B3GALT1: variants seen among roughly 807,000 people sequenced by gnomAD.
B3GALT1 encodes the protein beta-1,3-galactosyltransferase 1, also known as UDP-Gal:betaGlcNAc beta 1,3-galactosyltransferase, polypeptide 1.
In B3GALT1, 10 loss-of-function variants were observed where a neutral mutation model predicts 23.2. The observed-to-expected ratio is 0.43, with a 90% CI of 0.27 to 0.73. The LOEUF (loss-of-function observed/expected upper bound fraction) is 0.73, where lower values mean the gene tolerates loss of function less well. Among genes scored for constraint, B3GALT1 ranks in the 30% least tolerant of loss-of-function variants. B3GALT1 has a pLI of 0.21. For synonymous variants in B3GALT1, 156 were observed against 141.5 expected, an observed-to-expected ratio of 1.10 and a Z score of -0.73; for missense variants, 299 against 405.4, an observed-to-expected ratio of 0.74 and a Z score of 2.25.
chr2:167,777,448 G>A (rs915866803), intron 3 of B3GALT1, among the ~76,000 whole-genome samples: 7 of 152,288 alleles, frequency 4.6e-5, no homozygotes, highest in Admixed American at 2.6e-4. Flanking sequence ...CTGGGTTCAA[G>A]CAATTGTCCT....
At chr2:167,603,551 A>G (rs1002537266) in intron 2 of B3GALT1, among the ~76,000 whole-genome samples, 2 of 152,240 alleles carry the variant, frequency 1.3e-5, no homozygotes, top group African/African-American at 4.8e-5. Context: ...GGGGAACCTC[A>G]TTAGGCAGCC....
At chr2:167,824,379 T>C (rs1320939387) in intron 4 of B3GALT1, among the ~76,000 whole-genome samples, 1 of 152,218 alleles carries the variant, frequency 6.6e-6, no homozygotes, top group African/African-American at 2.4e-5. Context: ...ACTTGCAACT[T>C]GCAACTTGCA....
chr2:167,471,200 C>T (rs746502597), intron 1 of B3GALT1, among the ~76,000 whole-genome samples: 7 of 152,022 alleles, frequency 4.6e-5, no homozygotes, highest in African/African-American at 7.2e-5. Context: ...AAACAAGACC[C>T]GTGAATTAAT....
At chr2:167,622,031 CA>C (rs1685269046) in intron 2 of B3GALT1, among the ~76,000 whole-genome samples, 1 of 152,104 alleles carries the variant, frequency 6.6e-6, no homozygotes, top group East Asian at 1.9e-4. Context: ...TATACATCAG[CA>C]GAGACATACA....
At chr2:167,371,036 G>C (rs1319069482) in intron 1 of B3GALT1, among the ~76,000 whole-genome samples, 1 of 152,160 alleles carries the variant, frequency 6.6e-6, no homozygotes, top group Non-Finnish European at 1.5e-5. Flanking sequence ...ATTCTCACAA[G>C]GAAGTAGGGC....
chr2:167,672,550 C>G (rs1012455913), intron 3 of B3GALT1, among the ~76,000 whole-genome samples: 1 of 152,074 alleles, frequency 6.6e-6, no homozygotes, highest in Non-Finnish European at 1.5e-5. Flanking sequence ...TGATTAAGAG[C>G]CAGATACTCT....
At chr2:167,737,187 C>T (rs1201368359) in intron 3 of B3GALT1, among the ~76,000 whole-genome samples, 4 of 152,106 alleles carry the variant, frequency 2.6e-5, no homozygotes, top group South Asian at 2.1e-4. Flanking sequence ...ATTGAATATT[C>T]GCCAGGCATC....
chr2:167,427,848 T>G (rs1574074451), intron 1 of B3GALT1, among the ~76,000 whole-genome samples: 1 of 152,326 alleles, frequency 6.6e-6, no homozygotes, highest in African/African-American at 2.4e-5. Context: ...TTCTCACAAC[T>G]TTTGCCCACA....
intron 3 of B3GALT1, among the ~76,000 whole-genome samples, chr2:167,769,440 A>T (rs937107350): frequency 6.6e-6 from 1 of 152,154 alleles, no homozygotes; most frequent in Non-Finnish European, 1.5e-5. Flanking sequence ...AGTAAAATTC[A>T]CTTTCTGGTA....
At chr2:167,485,400 G>A (rs1699612501) in intron 1 of B3GALT1, among the ~76,000 whole-genome samples, 1 of 152,110 alleles carries the variant, frequency 6.6e-6, no homozygotes, top group African/African-American at 2.4e-5. Flanking sequence ...ATCTTAATTA[G>A]ATTAGATGGA....
chr2:167,330,142 C>T (rs1035498973), intron 1 of B3GALT1, among the ~76,000 whole-genome samples: 3 of 149,160 alleles, frequency 2.0e-5, no homozygotes, highest in African/African-American at 2.6e-5. Flanking sequence ...ACTCTAGGAC[C>T]CTGATAATTC....
chr2:167,409,494 G>A (rs1698359233), intron 1 of B3GALT1, among the ~76,000 whole-genome samples: 1 of 151,704 alleles, frequency 6.6e-6, no homozygotes, highest in Non-Finnish European at 1.5e-5. Flanking sequence ...CCATATTTCA[G>A]TAAGTTGATC....
At position 167,355,115 on chromosome 2, in the gene B3GALT1, C is replaced by T. The variant is rs116250523; in HGVS notation, c.-511+61781C>T. ...AGGCTTTAACTAAGATAATGTGGGACACTAGTTGCTGTTGCTACCTATAAA... is the reference window on the plus strand; with the variant it reads ...AGGCTTTAACTAAGATAATGTGGGATACTAGTTGCTGTTGCTACCTATAAA... On this transcript the variant is annotated intron_variant, in intron 1 of 4. Transcript: ENST00000392690. Among the ~76,000 whole-genome samples the T allele has an allele frequency of 1.0e-3, 153 of 152,316 alleles. 2 individuals carry two copies. Among genetic ancestry groups the T allele is most frequent in the Middle Eastern group, 3.4e-3 (1 of 294 alleles).
chr2:167,721,546 A>G (rs1332171540), intron 3 of B3GALT1, among the ~76,000 whole-genome samples: 2 of 152,230 alleles, frequency 1.3e-5, no homozygotes, highest in Non-Finnish European at 2.9e-5. Flanking sequence ...GCCTATGGGA[A>G]CAAGAACACA....
At chr2:167,810,296 C>T (rs1384595882) in intron 3 of B3GALT1, among the ~76,000 whole-genome samples, 1 of 150,966 alleles carries the variant, frequency 6.6e-6, no homozygotes, top group South Asian at 2.1e-4. Flanking sequence ...CCTGTACCCA[C>T]TTTCTGACAC....
At chr2:167,797,302 T>C (rs1041392228) in intron 3 of B3GALT1, among the ~76,000 whole-genome samples, 2 of 152,240 alleles carry the variant, frequency 1.3e-5, no homozygotes, top group Non-Finnish European at 2.9e-5. Context: ...GCAAAGGACA[T>C]GAACTCATTC....
intron 2 of B3GALT1, among the ~76,000 whole-genome samples, chr2:167,561,930 G>C (rs1684003338): frequency 6.6e-6 from 1 of 152,162 alleles, no homozygotes; most frequent in Non-Finnish European, 1.5e-5. Context: ...AGTAGAAAAA[G>C]AGGGAATCCT....
chr2:167,611,053 CT>C (rs1232214403), intron 2 of B3GALT1, among the ~76,000 whole-genome samples: 5 of 151,556 alleles, frequency 3.3e-5, no homozygotes, highest in African/African-American at 1.2e-4. Flanking sequence ...CCTATTATTA[CT>C]TTGGTGACAA....
Position 167,872,004 on chromosome 2 carries a change from C to CCATTCTCCT in B3GALT1, c.*1985_*1993dup, listed in dbSNP as rs767846515. On this transcript the variant is annotated 3_prime_UTR_variant, in exon 5 of 5. Transcript: ENST00000392690. The stretch of plus-strand genomic sequence containing the variant: ...GCAAGCTCCGCCTCCCGGGTTCACG[C>CCATTCTCCT]CATTCTCCTGCCTCAGCCTCCCGAG... 4 of 149,168 alleles carry CCATTCTCCT rather than the reference C, an allele frequency of 2.7e-5. No homozygotes were observed. Among genetic ancestry groups the CCATTCTCCT allele is most frequent in the Non-Finnish European group, 5.9e-5 (4 of 67,488 alleles). The allele number at this position is 149,168 out of a possible 1,614,324, so 9.2% of individuals were successfully genotyped here.
Sources: allele counts gnomAD v4.1 joint callset (sites outside exome capture counted in the v4.1 genomes callset), GRCh38; gene constraint gnomAD v4.1.1; transcripts MANE v1.5; gene names NCBI Gene and HGNC (gene_info 2026-07-23, HGNC 2026-07-21).